SLC68A1: variants seen among roughly 807,000 people sequenced by gnomAD.
SLC68A1 encodes major facilitator superfamily domain containing 13A.
At chr10:102,472,721 GA>G in the SLC68A1 span, 7 of 736,390 alleles carry the variant, frequency 9.5e-6, no homozygotes, top group East Asian at 2.5e-5. Flanking sequence ...GGGACATGGG[GA>G]AAAAGGCCTG....
At chr10:102,471,205 C>T in the SLC68A1 span, 1 of 1,601,466 alleles carries the variant, frequency 6.2e-7, no homozygotes, top group Non-Finnish European at 8.5e-7. Context: ...ATGGGGGCTG[C>T]CCTGGGATGT....
chr10:102,472,196 C>T, the SLC68A1 span: 1 of 337,752 alleles, frequency 3.0e-6, no homozygotes, highest in Admixed American at 4.0e-5. Flanking sequence ...GTACCTAAAA[C>T]ATGCAGTATA....
At chr10:102,462,910 A>G in the SLC68A1 span, among the ~76,000 whole-genome samples, 1 of 152,188 alleles carries the variant, frequency 6.6e-6, no homozygotes, top group South Asian at 2.1e-4. Context: ...TGTCTTACTC[A>G]GAGAGGCACA....
At chr10:102,473,347 G>A in the SLC68A1 span, among the ~76,000 whole-genome samples, 1 of 152,162 alleles carries the variant, frequency 6.6e-6, no homozygotes, top group South Asian at 2.1e-4. Context: ...AGCCTCAGGT[G>A]GGTTAGTTCA....
the SLC68A1 span, chr10:102,469,163 A>G: frequency 6.2e-7 from 1 of 1,614,114 alleles, no homozygotes; most frequent in Non-Finnish European, 8.5e-7. Context: ...GTCTCAGTGT[A>G]CAAGATCAAC....
At chr10:102,473,954 C>T in the SLC68A1 span, 1 of 1,612,792 alleles carries the variant, frequency 6.2e-7, no homozygotes, top group South Asian at 1.1e-5. Context: ...CCTTGGTGAC[C>T]AAGCCAGGCC....
the SLC68A1 span, chr10:102,461,883 G>T: frequency 6.6e-6 from 1 of 152,268 alleles, no homozygotes; most frequent in Non-Finnish European, 1.5e-5. Context: ...GTGAGGCCTG[G>T]GCCTCGGTAT....
the SLC68A1 span, chr10:102,475,784 C>A: frequency 6.2e-7 from 1 of 1,613,846 alleles, no homozygotes; most frequent in East Asian, 2.2e-5. Context: ...CTGGCCAGAG[C>A]CCCCAGCTCC....
At chr10:102,464,474 A>G in the SLC68A1 span, among the ~76,000 whole-genome samples, 1 of 151,316 alleles carries the variant, frequency 6.6e-6, no homozygotes, top group South Asian at 2.1e-4. Flanking sequence ...TCATGAAACC[A>G]AACTTCAAAG....
At chr10:102,475,717 C>T in the SLC68A1 span, 4 of 1,587,468 alleles carry the variant, frequency 2.5e-6, no homozygotes, top group East Asian at 2.3e-5. Context: ...GCTCTCTTGT[C>T]CTAGGTCATG....
chr10:102,472,265 G>T, the SLC68A1 span: 1 of 288,514 alleles, frequency 3.5e-6, no homozygotes, highest in Non-Finnish European at 6.8e-6. Context: ...TTTCACTAAT[G>T]TGTTTTCTTT....
At chr10:102,468,034 GAA>G in the SLC68A1 span, among the ~76,000 whole-genome samples, 7 of 149,478 alleles carry the variant, frequency 4.7e-5, no homozygotes, top group African/African-American at 7.4e-5. Flanking sequence ...ATTTGGGCAG[GAA>G]AAAAAAAAAT....
At chr10:102,472,909 T>C in the SLC68A1 span, 1 of 1,614,202 alleles carries the variant, frequency 6.2e-7, no homozygotes, top group Non-Finnish European at 8.5e-7. Context: ...GAGCATCTGT[T>C]GTCCGACCAT....
At chr10:102,471,881 C>A in the SLC68A1 span, 1 of 338,300 alleles carries the variant, frequency 3.0e-6, no homozygotes. Context: ...TCCCTCTGAG[C>A]TTTTCCCTCC....
chr10:102,465,577 G>A, the SLC68A1 span, among the ~76,000 whole-genome samples: 3 of 152,296 alleles, frequency 2.0e-5, no homozygotes, highest in South Asian at 2.1e-4. Context: ...TCAGGGAGAG[G>A]GAGTGACTGG....
chr10:102,464,004 C>G, the SLC68A1 span, among the ~76,000 whole-genome samples: 3 of 152,170 alleles, frequency 2.0e-5, no homozygotes, highest in Non-Finnish European at 2.9e-5. Context: ...CAATTTCAAT[C>G]ATGGATTTGG....
the SLC68A1 span, chr10:102,469,245 G>T: frequency 6.3e-7 from 1 of 1,599,466 alleles, no homozygotes. Flanking sequence ...GTGGGGTGGA[G>T]ACTAGAGGCT....
chr10:102,469,018 G>C, the SLC68A1 span: 1 of 1,608,702 alleles, frequency 6.2e-7, no homozygotes, highest in South Asian at 1.1e-5. Context: ...GGCTAAGGCT[G>C]GGGCTGCAGC....
chr10:102,474,117 G>A, the SLC68A1 span: 1 of 1,238,308 alleles, frequency 8.1e-7, no homozygotes, highest in Non-Finnish European at 1.1e-6. Context: ...ACGGAAGGTG[G>A]CAACTGGCGT....
Sources: gnomAD v4.1 joint callset for allele counts (sites outside exome capture counted in the v4.1 genomes callset) on GRCh38, gnomAD v4.1.1 for gene constraint, MANE v1.5 for transcripts, NCBI Gene and HGNC (gene_info 2026-07-23, HGNC 2026-07-21) for gene names.